Variants in KDM7A observed in about 807,000 individuals in gnomAD.
The protein encoded by KDM7A is lysine-specific demethylase 7A.
In KDM7A, 28 loss-of-function variants were observed where a neutral mutation model predicts 114.8. The ratio of observed to expected loss-of-function variants is 0.24; its 90% CI spans 0.18 to 0.33. The LOEUF is 0.33. Among genes scored for constraint, KDM7A ranks in the 10% least tolerant of loss-of-function variants. The probability of loss-of-function intolerance (pLI) is 1.00; values close to 1 mark genes in which losing one functional copy is unlikely to be tolerated. For synonymous variants in KDM7A, 423 were observed against 397.8 expected (o/e 1.06, Z -0.75); for missense variants, 942 against 1,142.5 (o/e 0.82, Z 2.53).
chr7:140,096,619 G>A lies in KDM7A; in HGVS notation c.2310C>T (p.Ser770=). The change falls in exon 17 of 20, where the codon AGC becomes AGT. Residue 770 remains serine, a synonymous_variant. Transcript: ENST00000397560. ...CCTCATGGTTACTGCCATGGCAGCTGCTGGGATCCTGGAGAGAGTTTCTTT... is the reference window on the plus strand; with the variant it reads ...CCTCATGGTTACTGCCATGGCAGCTACTGGGATCCTGGAGAGAGTTTCTTT... ...SGERNSLQDP[S]SCHGSNHEVR... The A allele has an allele frequency of 1.9e-6, 3 of 1,614,184 alleles. No homozygotes were observed. Among genetic ancestry groups the A allele is most frequent in the South Asian group, 2.2e-5 (2 of 91,088 alleles).
At chr7:140,169,239 T>C (rs1325445867) in intron 1 of KDM7A, among the ~76,000 whole-genome samples, 1 of 152,196 alleles carries the variant, frequency 6.6e-6, no homozygotes, top group Non-Finnish European at 1.5e-5. Context: ...TAATAAAATG[T>C]AATTTTCAAA....
At chr7:140,165,842 A>G (rs1794568339) in intron 1 of KDM7A, among the ~76,000 whole-genome samples, 1 of 73,060 alleles carries the variant, frequency 1.4e-5, no homozygotes, top group South Asian at 3.9e-4. Flanking sequence ...AAAAGTAAGG[A>G]AAGAAAAAAA....
chr7:140,106,063 T>C (rs1222760692), intron 11 of KDM7A, among the ~76,000 whole-genome samples: 3 of 152,238 alleles, frequency 2.0e-5, no homozygotes, highest in African/African-American at 4.8e-5. Context: ...CTAGATTTTC[T>C]AGTTTATTTG....
At chr7:140,142,904 A>T (rs1046639151) in intron 1 of KDM7A, among the ~76,000 whole-genome samples, 11 of 65,002 alleles carry the variant, frequency 1.7e-4, no homozygotes, top group Admixed American at 8.1e-4. Flanking sequence ...ATGCAAATTA[A>T]AAAAAAAATC....
intron 1 of KDM7A, among the ~76,000 whole-genome samples, chr7:140,146,926 T>C (rs889959406): frequency 6.6e-6 from 1 of 152,200 alleles, no homozygotes; most frequent in Non-Finnish European, 1.5e-5. Flanking sequence ...CTACTCTTGG[T>C]GTTAGAAGAG....
Position 140,089,753 on chromosome 7 carries a change from T to C in KDM7A, c.*1341A>G, listed in dbSNP as rs1817989991. 6.6e-6 allele frequency: 1 copy of C among 152,174 alleles called. No individual in the cohort carries two copies. Among genetic ancestry groups the C allele is most frequent in the Non-Finnish European group, 1.5e-5 (1 of 68,034 alleles). 9.4% of individuals were successfully genotyped at this position (152,174 alleles called of 1,614,324 possible). On this transcript the variant is annotated 3_prime_UTR_variant, in exon 20 of 20. Transcript: ENST00000397560. ...ATGAATACCTTAAAGTTTAACCAGA[T>C]ACTTAACCTCAATATGTACTGGTCA... is the stretch of plus-strand genomic sequence containing the variant.
chr7:140,092,557 T>C (rs1279389520), intron 18 of KDM7A, among the ~76,000 whole-genome samples: 1 of 152,182 alleles, frequency 6.6e-6, no homozygotes, highest in Non-Finnish European at 1.5e-5. Flanking sequence ...TTCCTTTCAC[T>C]ACAACTACTC....
intron 1 of KDM7A, among the ~76,000 whole-genome samples, chr7:140,160,522 C>T (rs1794506954): frequency 1.3e-5 from 2 of 152,162 alleles, no homozygotes; most frequent in Admixed American, 1.3e-4. Context: ...CTCCGATTTA[C>T]AATGGTTCCA....
chr7:140,135,351 T>C (rs533860602), intron 2 of KDM7A, among the ~76,000 whole-genome samples: 11 of 152,100 alleles, frequency 7.2e-5, no homozygotes, highest in South Asian at 2.1e-4. Flanking sequence ...TACAGGGGTG[T>C]GCCACCACAT....
At chr7:140,158,298 G>C (rs1056736013) in intron 1 of KDM7A, among the ~76,000 whole-genome samples, 1 of 152,166 alleles carries the variant, frequency 6.6e-6, no homozygotes, top group Non-Finnish European at 1.5e-5. Flanking sequence ...GACCAGTTAG[G>C]AGGCTACTTC....
At position 140,160,408 on chromosome 7, in the gene KDM7A, T is replaced by G. The variant is rs996566277; in HGVS notation, c.194+16336A>C. ...CTTTCTTTGTTCTGTCCTCTTAGAA[T>G]GTCTGAGGTGGTGACTGAATCAGCA... On this transcript the variant is annotated intron_variant, in intron 1 of 19. Transcript: ENST00000397560. Among the ~76,000 whole-genome samples, 96 of 152,220 alleles carry G rather than the reference T, an allele frequency of 6.3e-4. 1 individual carries two copies. Among genetic ancestry groups the G allele is most frequent in the African/African-American group, 2.3e-3 (94 of 41,452 alleles).
At chr7:140,162,042 T>C (rs144993686) in intron 1 of KDM7A, among the ~76,000 whole-genome samples, 7 of 152,054 alleles carry the variant, frequency 4.6e-5, no homozygotes, top group African/African-American at 1.2e-4. Flanking sequence ...CTGTTATAAT[T>C]ACTAACTGAT....
chr7:140,125,088 GAAGT>G (rs945582962), intron 6 of KDM7A, among the ~76,000 whole-genome samples: 7 of 152,164 alleles, frequency 4.6e-5, no homozygotes, highest in African/African-American at 1.7e-4. Context: ...GTCAAATAGA[GAAGT>G]AAATATGTGT....
intron 3 of KDM7A, among the ~76,000 whole-genome samples, chr7:140,132,032 C>T (rs141681215): frequency 6.6e-6 from 1 of 152,102 alleles, no homozygotes; most frequent in Non-Finnish European, 1.5e-5. Context: ...TATGTATATC[C>T]ATACATCCAT....
At chr7:140,161,208 T>C (rs1223324827) in intron 1 of KDM7A, among the ~76,000 whole-genome samples, 3 of 152,248 alleles carry the variant, frequency 2.0e-5, no homozygotes, top group Admixed American at 6.5e-5. Context: ...TTGTAGCATA[T>C]GTGACAAGTG....
intron 7 of KDM7A, among the ~76,000 whole-genome samples, chr7:140,122,229 G>C (rs906406392): frequency 2.6e-5 from 4 of 152,132 alleles, no homozygotes; most frequent in African/African-American, 9.7e-5. Context: ...CTCTAATGCT[G>C]CTGTGCCTAG....
At chr7:140,102,555 T>C (rs1049402143) in intron 11 of KDM7A, among the ~76,000 whole-genome samples, 1 of 152,144 alleles carries the variant, frequency 6.6e-6, no homozygotes, top group East Asian at 1.9e-4. Flanking sequence ...GCTAATGTTT[T>C]AGAGACAAGT....
intron 3 of KDM7A, among the ~76,000 whole-genome samples, chr7:140,132,439 A>T (rs1469142579): frequency 6.6e-6 from 1 of 152,064 alleles, no homozygotes; most frequent in Non-Finnish European, 1.5e-5. Flanking sequence ...AGAAATGGAC[A>T]CTCCCAACTG....
intron 1 of KDM7A, among the ~76,000 whole-genome samples, chr7:140,163,412 G>A (rs1168961241): frequency 6.6e-6 from 1 of 152,106 alleles, no homozygotes; most frequent in Non-Finnish European, 1.5e-5. Context: ...AGCTTCCCGA[G>A]TAGCTAGGAC....
Sources: allele counts gnomAD v4.1 joint callset (sites outside exome capture counted in the v4.1 genomes callset), GRCh38; gene constraint gnomAD v4.1.1; transcripts MANE v1.5; gene names NCBI Gene and HGNC (gene_info 2026-07-23, HGNC 2026-07-21).